PTPRD: variants seen among roughly 807,000 people sequenced by gnomAD.
The protein encoded by PTPRD is protein tyrosine phosphatase receptor type D, also known as receptor-type tyrosine-protein phosphatase delta.
Under a neutral mutation model 214.5 loss-of-function variants are expected in PTPRD, and 34 were observed. The observed-to-expected ratio is 0.16, with a 90% CI of 0.12 to 0.21. The LOEUF (loss-of-function observed/expected upper bound fraction) is 0.21. Ranked by LOEUF, PTPRD falls within the 10% of genes least tolerant of loss-of-function variation. The pLI is 1.00. For missense variants in PTPRD, 2,545 were observed against 2,398.7 expected (o/e 1.06, Z -1.27); for synonymous variants, 1,128 against 845.7 (o/e 1.33, Z -5.79).
At chr9:10,032,171 T>C (rs1309208192) in intron 4 of PTPRD, among the ~76,000 whole-genome samples, 3 of 152,184 alleles carry the variant, frequency 2.0e-5, no homozygotes, top group African/African-American at 4.8e-5. Context: ...AACTGTTTTA[T>C]AGAATTGGTG....
intron 7 of PTPRD, among the ~76,000 whole-genome samples, chr9:9,575,744 AAAGAAAG>A (rs2088402585): frequency 7.7e-6 from 1 of 129,728 alleles, no homozygotes; most frequent in African/African-American, 2.9e-5. Context: ...AAAAAAAAAA[AAAGAAAG>A]AAAGAAAAAG....
chr9:8,451,125 AAACT>A (rs1218224023), intron 33 of PTPRD, among the ~76,000 whole-genome samples: 1 of 152,214 alleles, frequency 6.6e-6, no homozygotes, highest in Non-Finnish European at 1.5e-5. Context: ...GTATAAAATA[AAACT>A]AACCAGGGGG....
intron 11 of PTPRD, among the ~76,000 whole-genome samples, chr9:8,939,256 C>G (rs751864522): frequency 1.1e-4 from 17 of 152,064 alleles, no homozygotes; most frequent in South Asian, 2.1e-4. Flanking sequence ...TTTATTTGAA[C>G]AGCTCATTTA....
chr9:9,411,084 T>C (rs540992347), intron 8 of PTPRD, among the ~76,000 whole-genome samples: 1 of 152,072 alleles, frequency 6.6e-6, no homozygotes, highest in Non-Finnish European at 1.5e-5. Flanking sequence ...GAAAAATAAA[T>C]ATGCCATTAA....
At chr9:9,366,841 T>TA (rs932978257) in intron 9 of PTPRD, among the ~76,000 whole-genome samples, 64 of 150,932 alleles carry the variant, frequency 4.2e-4, no homozygotes, top group African/African-American at 1.4e-3. Context: ...TACATTAAGG[T>TA]AAAAAAAAGG....
intron 5 of PTPRD, among the ~76,000 whole-genome samples, chr9:9,826,395 T>C (rs1175081472): frequency 2.0e-5 from 3 of 151,882 alleles, no homozygotes; most frequent in Non-Finnish European, 4.4e-5. Flanking sequence ...CTTTCAATTA[T>C]TTAAAAAAAA....
rs972892877 is a variant in PTPRD, at chr9:8,859,163, C to G, written c.-103-125217G>C. ...ACGAGGAAGACTGGGAAGTACTGAA[C>G]CAAAATCTTAGTGTGATAACTTGTT... On this transcript the variant is annotated intron_variant, in intron 11 of 45. Transcript: ENST00000381196. Among the ~76,000 whole-genome samples, 7 of 152,212 alleles carry G rather than the reference C, an allele frequency of 4.6e-5. No homozygotes were observed. In the East Asian group the frequency reaches 1.2e-3, roughly 25 times the overall value.
chr9:8,817,762 G>C (rs1267822214), intron 11 of PTPRD, among the ~76,000 whole-genome samples: 1 of 152,216 alleles, frequency 6.6e-6, no homozygotes, highest in Non-Finnish European at 1.5e-5. Flanking sequence ...TCTAGCCTCT[G>C]TCCTAACAAC....
At chr9:9,669,267 T>G (rs2096780405) in intron 7 of PTPRD, among the ~76,000 whole-genome samples, 1 of 152,156 alleles carries the variant, frequency 6.6e-6, no homozygotes, top group Non-Finnish European at 1.5e-5. Flanking sequence ...CCTCTACAGT[T>G]GGCGAGATAC....
At chr9:9,611,294 T>A (rs2094498321) in intron 7 of PTPRD, among the ~76,000 whole-genome samples, 1 of 152,172 alleles carries the variant, frequency 6.6e-6, no homozygotes, top group Non-Finnish European at 1.5e-5. Context: ...ACGCAAATGA[T>A]TTAATATGTT....
intron 3 of PTPRD, among the ~76,000 whole-genome samples, chr9:10,220,943 CA>C (rs1275778663): frequency 6.6e-6 from 1 of 151,426 alleles, no homozygotes; most frequent in Non-Finnish European, 1.5e-5. Context: ...ATAAATAAAA[CA>C]AAGAAATAAA....
intron 5 of PTPRD, among the ~76,000 whole-genome samples, chr9:9,788,592 C>T (rs901510247): frequency 1.4e-5 from 2 of 143,804 alleles, no homozygotes; most frequent in Admixed American, 6.9e-5. Flanking sequence ...AAAACTAAAA[C>T]AGCTTTCTAA....
chr9:9,466,176 G>A (rs1032317172), intron 8 of PTPRD, among the ~76,000 whole-genome samples: 2 of 152,144 alleles, frequency 1.3e-5, no homozygotes, highest in Middle Eastern at 3.4e-3. Context: ...AGGCATGGTG[G>A]CAGGTGCCCA....
At chr9:9,390,244 G>A (rs571697686) in intron 9 of PTPRD, among the ~76,000 whole-genome samples, 65 of 152,226 alleles carry the variant, frequency 4.3e-4, no homozygotes, top group African/African-American at 1.5e-3. Flanking sequence ...GTTAGGTGAT[G>A]GGCAACTTTG....
At chr9:9,746,885 C>T (rs1007853553) in intron 6 of PTPRD, among the ~76,000 whole-genome samples, 3 of 145,316 alleles carry the variant, frequency 2.1e-5, no homozygotes, top group Non-Finnish European at 3.0e-5. Flanking sequence ...AAAATATAGA[C>T]AAGTATATGA....
At chr9:8,653,987 G>A (rs538323680) in intron 12 of PTPRD, among the ~76,000 whole-genome samples, 1 of 151,968 alleles carries the variant, frequency 6.6e-6, no homozygotes, top group African/African-American at 2.4e-5. Flanking sequence ...CTTAAAACAG[G>A]GCCTTTCACT....
chr9:10,487,355 T>C (rs1453178587), intron 2 of PTPRD, among the ~76,000 whole-genome samples: 1 of 152,226 alleles, frequency 6.6e-6, no homozygotes, highest in Non-Finnish European at 1.5e-5. Flanking sequence ...TCTGTTTGTT[T>C]TCTGATCTTC....
intron 5 of PTPRD, among the ~76,000 whole-genome samples, chr9:9,833,084 A>C (rs911768606): frequency 6.6e-6 from 1 of 151,998 alleles, no homozygotes; most frequent in Non-Finnish European, 1.5e-5. Context: ...AACCTCTGTA[A>C]TGAAGAGAAG....
intron 2 of PTPRD, among the ~76,000 whole-genome samples, chr9:10,483,784 G>A (rs1308973243): frequency 6.6e-6 from 1 of 152,076 alleles, no homozygotes; most frequent in African/African-American, 2.4e-5. Context: ...AATAGATGTT[G>A]GCACGGATGT....
Sources: gnomAD v4.1 joint callset for allele counts (sites outside exome capture counted in the v4.1 genomes callset) on GRCh38, gnomAD v4.1.1 for gene constraint, MANE v1.5 for transcripts, NCBI Gene and HGNC (gene_info 2026-07-23, HGNC 2026-07-21) for gene names.